Variants in STAM observed in about 807,000 individuals in gnomAD.
STAM encodes signal transducing adapter molecule 1.
A neutral mutation model predicts 63.4 loss-of-function variants in STAM; 16 were observed. That is an observed-to-expected ratio of 0.25 (90% CI 0.17 to 0.38). The LOEUF is 0.38. Among genes scored for constraint, STAM ranks in the 10% least tolerant of loss-of-function variants. The pLI is 1.00. For missense variants in STAM, 636 were observed against 657.1 expected, an observed-to-expected ratio of 0.97 and a Z score of 0.35; for synonymous variants, 238 against 223.9, an observed-to-expected ratio of 1.06 and a Z score of -0.56.
intron 2 of STAM, 92 bp downstream of exon 2, chr10:17,660,640 C>A: frequency 2.2e-6 from 2 of 913,562 alleles, no homozygotes; most frequent in Non-Finnish European, 3.3e-6. Context: ...AGGCCCAGCC[C>A]CTCGGTAGGA....
chr10:17,665,361 G>C (rs1435781735), intron 2 of STAM, among the ~76,000 whole-genome samples: 1 of 152,098 alleles, frequency 6.6e-6, no homozygotes, highest in East Asian at 1.9e-4. Flanking sequence ...GATGGACATT[G>C]ACAAGTCTAA....
chr10:17,676,298 G>T (rs1834853026), intron 2 of STAM, among the ~76,000 whole-genome samples: 1 of 152,216 alleles, frequency 6.6e-6, no homozygotes, highest in Non-Finnish European at 1.5e-5. Context: ...GGCAGGAGTG[G>T]GTATAGGGAG....
chr10:17,675,775 A>G (rs1431296802), intron 2 of STAM, among the ~76,000 whole-genome samples: 1 of 151,930 alleles, frequency 6.6e-6, no homozygotes, highest in Non-Finnish European at 1.5e-5. Flanking sequence ...AGTATTATTA[A>G]CAGAGTTCTT....
chr10:17,657,752 G>C (rs1053614768), intron 1 of STAM, among the ~76,000 whole-genome samples: 2 of 151,728 alleles, frequency 1.3e-5, no homozygotes, highest in African/African-American at 4.8e-5. Context: ...GCATAGAGTT[G>C]TTCATAATAT....
At chr10:17,680,530 C>G (rs569421876) in intron 2 of STAM, among the ~76,000 whole-genome samples, 48 of 151,862 alleles carry the variant, frequency 3.2e-4, no homozygotes, top group Non-Finnish European at 5.3e-4. Context: ...CTCAGCCTCT[C>G]GAATAGCTGG....
chr10:17,690,123 G>C (rs1554826583), intron 5 of STAM, among the ~76,000 whole-genome samples: 1 of 152,190 alleles, frequency 6.6e-6, no homozygotes, highest in Non-Finnish European at 1.5e-5. Context: ...ATGGTTAAGT[G>C]ACTTGCCCAG....
intron 2 of STAM, among the ~76,000 whole-genome samples, chr10:17,668,898 T>G (rs565933895): frequency 6.6e-6 from 1 of 152,332 alleles, no homozygotes; most frequent in Admixed American, 6.5e-5. Flanking sequence ...TTTTGGTGAT[T>G]TTTAATAAAG....
At chr10:17,686,224 T>C (rs868972438) in intron 4 of STAM, among the ~76,000 whole-genome samples, 1 of 152,322 alleles carries the variant, frequency 6.6e-6, no homozygotes, top group African/African-American at 2.4e-5. Flanking sequence ...ACCATGTTTT[T>C]TGTAATGTAG....
At chr10:17,698,985 G>T (rs1410474865) in intron 8 of STAM, among the ~76,000 whole-genome samples, 1 of 152,124 alleles carries the variant, frequency 6.6e-6, no homozygotes, top group Non-Finnish European at 1.5e-5. Flanking sequence ...TGAATGGAAT[G>T]ATTATATTTC....
intron 1 of STAM, among the ~76,000 whole-genome samples, chr10:17,659,458 T>G (rs1834073877): frequency 7.0e-6 from 1 of 142,732 alleles, no homozygotes; most frequent in African/African-American, 2.6e-5. Context: ...CTTTATTCTC[T>G]TCCTCTTTTT....
chr10:17,645,973 A>C (rs1833505218), intron 1 of STAM, among the ~76,000 whole-genome samples: 1 of 152,236 alleles, frequency 6.6e-6, no homozygotes, highest in Non-Finnish European at 1.5e-5. Flanking sequence ...GACTTTGTGA[A>C]CACATATTTG....
chr10:17,696,724 C>G, intron 7 of STAM, 51 bp from the exon 8 acceptor site: 1 of 1,330,110 alleles, frequency 7.5e-7, no homozygotes, highest in Non-Finnish European at 1.1e-6. Flanking sequence ...TAAAGATGTA[C>G]AGAAATAAAT....
intron 2 of STAM, among the ~76,000 whole-genome samples, chr10:17,668,893 G>T (rs1240961885): frequency 6.6e-6 from 1 of 152,120 alleles, no homozygotes; most frequent in African/African-American, 2.4e-5. Flanking sequence ...CCCAGTTTTG[G>T]TGATTTTTAA....
intron 2 of STAM, among the ~76,000 whole-genome samples, chr10:17,678,854 C>T (rs904190772): frequency 6.6e-6 from 1 of 152,072 alleles, no homozygotes; most frequent in African/African-American, 2.4e-5. Context: ...ATTCTAGATA[C>T]CTCATGGAAG....
intron 2 of STAM, among the ~76,000 whole-genome samples, chr10:17,663,091 C>A (rs1170465797): frequency 2.0e-5 from 3 of 152,132 alleles, no homozygotes; most frequent in Non-Finnish European, 4.4e-5. Context: ...CCTTTTACAA[C>A]TATAAATATT....
intron 4 of STAM, among the ~76,000 whole-genome samples, chr10:17,686,065 T>A (rs1476411706): frequency 1.3e-5 from 2 of 152,226 alleles, no homozygotes; most frequent in African/African-American, 2.4e-5. Flanking sequence ...TGTAAAATTC[T>A]GTACTTTTCG....
chr10:17,705,480 TCTA>T (rs1361035053), intron 11 of STAM, 105 bp from the exon 12 acceptor site: 1 of 1,248,106 alleles, frequency 8.0e-7, no homozygotes, highest in Non-Finnish European at 1.1e-6. Flanking sequence ...TTTAATAATG[TCTA>T]CTAGTACTAC....
At position 17,684,420 on chromosome 10, in the gene STAM, AC is replaced by A. The variant is rs539664133; in HGVS notation, c.126-253del. Among the ~76,000 whole-genome samples, 229 of 147,818 alleles carry A rather than the reference AC, an allele frequency of 1.5e-3. 1 individual carries two copies. The highest frequency in any genetic ancestry group is 5.4e-3 in the African/African-American group (221 of 40,554). On this transcript the variant is annotated intron_variant, in intron 2 of 13. Transcript: ENST00000377524. ...TCATGGCCTACCATTTTATTTTCAA[AC>A]CTTTTTTTTTTTCCTACCCAGAATT...
chr10:17,684,441 A>G (rs1835212589), intron 2 of STAM, among the ~76,000 whole-genome samples: 1 of 152,016 alleles, frequency 6.6e-6, no homozygotes, highest in South Asian at 2.1e-4. Context: ...TTTCCTACCC[A>G]GAATTAGCCT....
Sources: gnomAD v4.1 joint callset for allele counts (sites outside exome capture counted in the v4.1 genomes callset) on GRCh38, gnomAD v4.1.1 for gene constraint, MANE v1.5 for transcripts, NCBI Gene and HGNC (gene_info 2026-07-23, HGNC 2026-07-21) for gene names.